SAMD4A: variants seen among roughly 807,000 people sequenced by gnomAD.
SAMD4A encodes sterile alpha motif domain containing 4A.
In SAMD4A, 33 loss-of-function variants were observed where a neutral mutation model predicts 81.3. The observed-to-expected ratio is 0.41, with a 90% CI of 0.31 to 0.54. The LOEUF is 0.54. Ranked by LOEUF, SAMD4A falls within the 20% of genes least tolerant of loss-of-function variation. The pLI is 0.37. For synonymous variants in SAMD4A, 389 were observed against 382.1 expected (o/e 1.02, Z -0.21); for missense variants, 854 against 951.1 (o/e 0.90, Z 1.34).
intron 9 of SAMD4A, among the ~76,000 whole-genome samples, chr14:54,773,563 T>G (rs1474129412): frequency 6.6e-6 from 1 of 152,236 alleles, no homozygotes; most frequent in African/African-American, 2.4e-5. Flanking sequence ...TCTTCAGTGC[T>G]GAGGTCACCC....
chr14:54,743,469 A>G (rs1468750762), intron 4 of SAMD4A, among the ~76,000 whole-genome samples: 1 of 151,736 alleles, frequency 6.6e-6, no homozygotes, highest in Admixed American at 6.6e-5. Flanking sequence ...TTTAACCTCC[A>G]CTCTTTACCA....
rs1488858817 is a variant in SAMD4A, at chr14:54,702,204, T to C, written c.339T>C (p.Ile113=). The change falls in exon 3 of 13, where the codon ATT becomes ATC. Residue 113 remains isoleucine (I), a synonymous_variant. Transcript: ENST00000554335. The stretch of plus-strand genomic sequence containing the variant: ...TGCCCAAAATCCTGGCTCACTCTAT[T>C]GAACACAACCAGCACATTGAGGAGA... ...KLLPKILAHS[I]EHNQHIEESR... 1 of 1,614,160 alleles carries C rather than the reference T, an allele frequency of 6.2e-7. No homozygotes were observed. Among genetic ancestry groups the C allele is most frequent in the Non-Finnish European group, 8.5e-7 (1 of 1,180,016 alleles).
At chr14:54,614,142 C>T (rs1449547160) in intron 2 of SAMD4A, among the ~76,000 whole-genome samples, 2 of 152,194 alleles carry the variant, frequency 1.3e-5, no homozygotes, top group Admixed American at 6.5e-5. Flanking sequence ...TAGCTGACTG[C>T]AATTAACAGA....
chr14:54,595,615 A>G (rs1246792361), intron 2 of SAMD4A, among the ~76,000 whole-genome samples: 2 of 152,004 alleles, frequency 1.3e-5, no homozygotes, highest in African/African-American at 4.8e-5. Flanking sequence ...GCAGATTTTT[A>G]GTTTACGATA....
intron 2 of SAMD4A, among the ~76,000 whole-genome samples, chr14:54,697,684 A>G (rs1461771136): frequency 6.6e-6 from 1 of 152,218 alleles, no homozygotes; most frequent in Non-Finnish European, 1.5e-5. Flanking sequence ...ACAGTTGGAT[A>G]GTGTATTAAT....
At chr14:54,601,700 G>A (rs80277252) in intron 2 of SAMD4A, among the ~76,000 whole-genome samples, 9 of 152,286 alleles carry the variant, frequency 5.9e-5, no homozygotes, top group East Asian at 1.9e-4. Context: ...AGGGCCTCCC[G>A]TGGAGGCTCC....
At position 54,764,442 on chromosome 14, in the gene SAMD4A, T is replaced by G; in HGVS notation, c.1511-13T>G. On this transcript the variant is annotated splice_polypyrimidine_tract_variant and intron_variant, in intron 7 of 12. Coordinates refer to ENST00000554335, the MANE Select transcript of SAMD4A (RefSeq NM_015589.6). ...GTGCATTTTTCTAATTCATCTTTTC[T>G]TTTTAATTACAGTGTGCACACAGCT... 1 of 1,572,632 alleles carries G rather than the reference T, an allele frequency of 6.4e-7. No homozygotes were observed. Among genetic ancestry groups the G allele is most frequent in the Non-Finnish European group, 8.7e-7 (1 of 1,155,198 alleles).
At chr14:54,753,455 G>A (rs1253047998) in intron 6 of SAMD4A, among the ~76,000 whole-genome samples, 5 of 152,210 alleles carry the variant, frequency 3.3e-5, no homozygotes, top group Admixed American at 2.0e-4. Flanking sequence ...TGAGCTCCAG[G>A]TTGGGTCAAA....
At position 54,790,665 on chromosome 14, in the gene SAMD4A, T is replaced by A. The variant is rs1179358463; in HGVS notation, c.*1721T>A. The stretch of plus-strand genomic sequence containing the variant: ...CTGTTTGTTACATGGATGAGTCGGG[T>A]GCCTGGTTGTGTGTGTGTGTGTGTG... On this transcript the variant is annotated 3_prime_UTR_variant, in exon 13 of 13. Transcript: ENST00000554335. 1 of 147,600 alleles carries A rather than the reference T, an allele frequency of 6.8e-6. No individual in the cohort carries two copies. The highest frequency in any genetic ancestry group is 1.5e-5 in the Non-Finnish European group (1 of 67,820). The allele number at this position is 147,600 out of a possible 1,614,324, so 9.1% of individuals were successfully genotyped here.
At chr14:54,580,495 T>C (rs2033433222) in intron 2 of SAMD4A, among the ~76,000 whole-genome samples, 1 of 152,214 alleles carries the variant, frequency 6.6e-6, no homozygotes, top group African/African-American at 2.4e-5. Flanking sequence ...AGAATCTGAC[T>C]TGGCTACTCT....
At chr14:54,788,023 G>A (rs2039184177) in intron 12 of SAMD4A, among the ~76,000 whole-genome samples, 1 of 152,120 alleles carries the variant, frequency 6.6e-6, no homozygotes, top group South Asian at 2.1e-4. Context: ...TGCCTTCTCT[G>A]TAGCCTGGGT....
intron 2 of SAMD4A, among the ~76,000 whole-genome samples, chr14:54,582,883 CT>C (rs2033509298): frequency 6.6e-6 from 1 of 152,148 alleles, no homozygotes; most frequent in African/African-American, 2.4e-5. Context: ...ATTGGTCAAT[CT>C]TGGTGAAAAG....
chr14:54,710,518 G>A (rs888667302), intron 3 of SAMD4A, among the ~76,000 whole-genome samples: 4 of 152,120 alleles, frequency 2.6e-5, no homozygotes, highest in Admixed American at 2.6e-4. Flanking sequence ...AGGCAGTGAG[G>A]CCCCTGGAAA....
chr14:54,592,081 T>C lies in SAMD4A; in HGVS notation c.196+23969T>C, dbSNP rs570994408. Among the ~76,000 whole-genome samples, 7 of 150,470 alleles carry C rather than the reference T, an allele frequency of 4.7e-5. No homozygotes were observed. In the East Asian group the frequency reaches 1.2e-3, roughly 26 times the overall value. On this transcript the variant is annotated intron_variant, in intron 2 of 12. Coordinates refer to ENST00000554335, the MANE Select transcript of SAMD4A (RefSeq NM_015589.6). The stretch of plus-strand genomic sequence containing the variant: ...CCCCTCCCCATGTGCATCCCACCCA[T>C]CCGTCAGAGCCCTGTTCCCTGGCAG...
rs750759442 is a variant in SAMD4A at position 54,789,459 on chromosome 14, G to A, written c.*515G>A. 1 of 155,442 alleles carries A rather than the reference G, an allele frequency of 6.4e-6. No homozygotes were observed. The highest frequency in any genetic ancestry group is 1.4e-5 in the Non-Finnish European group (1 of 70,132). 9.6% of individuals were successfully genotyped at this position (155,442 alleles called of 1,614,324 possible). On this transcript the variant is annotated 3_prime_UTR_variant, in exon 13 of 13. Coordinates refer to ENST00000554335, the MANE Select transcript of SAMD4A (RefSeq NM_015589.6). ...CTGATTGGATGTCCCTGAGGCCCCTGCTGGAAACAGCCATAGGAGAGGGCC... is the reference window on the plus strand; with the variant it reads ...CTGATTGGATGTCCCTGAGGCCCCTACTGGAAACAGCCATAGGAGAGGGCC...
chr14:54,626,238 C>T (rs940702879), intron 2 of SAMD4A, among the ~76,000 whole-genome samples: 2 of 152,084 alleles, frequency 1.3e-5, no homozygotes, highest in African/African-American at 4.8e-5. Context: ...AGATGTTAGA[C>T]TTTATCTCTT....
At chr14:54,640,605 C>G (rs1356144146) in intron 2 of SAMD4A, among the ~76,000 whole-genome samples, 1 of 152,160 alleles carries the variant, frequency 6.6e-6, no homozygotes, top group African/African-American at 2.4e-5. Context: ...TAACAGCTAG[C>G]TTTAGCTGCT....
At chr14:54,780,089 C>T (rs534320294) in intron 11 of SAMD4A, among the ~76,000 whole-genome samples, 1 of 152,144 alleles carries the variant, frequency 6.6e-6, no homozygotes, top group Non-Finnish European at 1.5e-5. Context: ...CATGGAGGTT[C>T]TTTACCCCCT....
At chr14:54,725,914 C>T (rs763390279) in intron 3 of SAMD4A, among the ~76,000 whole-genome samples, 34 of 152,270 alleles carry the variant, frequency 2.2e-4, no homozygotes, top group Non-Finnish European at 4.4e-4. Context: ...CAAGTATCAG[C>T]CAGCAAGAGC....
Sources: allele counts gnomAD v4.1 joint callset (sites outside exome capture counted in the v4.1 genomes callset), GRCh38; gene constraint gnomAD v4.1.1; transcripts MANE v1.5; gene names NCBI Gene and HGNC (gene_info 2026-07-23, HGNC 2026-07-21).